The following CNKSR3 variants were observed in gnomAD, a reference collection of about 807,000 sequenced individuals.
CNKSR3 encodes the protein CNKSR family member 3, also known as connector enhancer of kinase suppressor of ras 3.
A neutral mutation model predicts 67.7 loss-of-function variants in CNKSR3; 36 were observed. The observed-to-expected ratio is 0.53, with a 90% CI of 0.41 to 0.70. The LOEUF is 0.70. Ranked by LOEUF, CNKSR3 falls within the 30% of genes least tolerant of loss-of-function variation. The pLI, the probability that CNKSR3 is intolerant of heterozygous loss-of-function variation, is 0.00. For missense variants in CNKSR3, 630 were observed against 695.2 expected, an observed-to-expected ratio of 0.91 and a Z score of 1.05; for synonymous variants, 281 against 271.4, an observed-to-expected ratio of 1.04 and a Z score of -0.35.
chr6:154,427,976 C>A, intron 7 of CNKSR3, 152 bp downstream of exon 7: 1 of 611,536 alleles, frequency 1.6e-6, no homozygotes, highest in Non-Finnish European at 3.0e-6. Flanking sequence ...TGGTGACAAG[C>A]AGTACTCTAT....
At chr6:154,410,532 C>A in intron 11 of CNKSR3, 100 bp from the exon 12 acceptor site, 1 of 715,638 alleles carries the variant, frequency 1.4e-6, no homozygotes, top group South Asian at 1.6e-5. Flanking sequence ...ATACCACACC[C>A]ACTTAGACAG....
intron 1 of CNKSR3, among the ~76,000 whole-genome samples, chr6:154,469,525 A>G (rs980353160): frequency 3.3e-5 from 5 of 152,176 alleles, no homozygotes; most frequent in Non-Finnish European, 5.9e-5. Flanking sequence ...CCATCCTATT[A>G]AACAGTGGGA....
At chr6:154,462,943 T>C (rs1395645642) in intron 1 of CNKSR3, among the ~76,000 whole-genome samples, 28 of 152,108 alleles carry the variant, frequency 1.8e-4, no homozygotes, top group Non-Finnish European at 2.4e-4. Flanking sequence ...CACTTTGGGA[T>C]TGGTTGAATG....
chr6:154,480,510 T>C (rs7763972), intron 1 of CNKSR3, among the ~76,000 whole-genome samples: 20,923 of 152,174 alleles, frequency 0.14, 1,552 homozygotes, highest in South Asian at 0.19. Flanking sequence ...GCAGGATGGA[T>C]ACAGGAAAAC....
intron 1 of CNKSR3, among the ~76,000 whole-genome samples, chr6:154,485,933 C>G (rs1221641995): frequency 6.6e-6 from 1 of 152,166 alleles, no homozygotes; most frequent in Non-Finnish European, 1.5e-5. Flanking sequence ...GACGGGACAC[C>G]TTCCATCTGG....
rs34887626 is a variant in CNKSR3, at chr6:154,441,242, C to CAAAAAAA, written c.507+43_507+49dup. On this transcript the variant is annotated intron_variant, in intron 4 of 12. Transcript: ENST00000607772. ...AAAATCCTTTCAAGAAGAGGAAAAG[C>CAAAAAAA]AAAAAAAAAAAAAAAAAAAAAAAGA... 3.1e-4 allele frequency: 261 copies of CAAAAAAA among 847,338 alleles called. 2 individuals carry two copies. Among genetic ancestry groups the CAAAAAAA allele is most frequent in the Admixed American group, 5.1e-4 (19 of 37,254 alleles). The allele number at this position is 847,338 out of a possible 1,614,324, so 52.5% of individuals were successfully genotyped here.
Position 154,510,085 on chromosome 6 carries a change from T to C in CNKSR3, c.30A>G (p.Lys10=), listed in dbSNP as rs370150605. 2 of 1,613,792 alleles carry C rather than the reference T, an allele frequency of 1.2e-6. No individual in the cohort carries two copies. The highest frequency in any genetic ancestry group is 1.7e-6 in the Non-Finnish European group (2 of 1,179,900). ...CACCTCTAGTCCAGTCCACCACTTG[T>C]TTGGGGCTCCACTTGGTCACGGGTT... The part of the protein sequence containing the change: MEPVTKWSP[K]QVVDWTRGLD... Residue 10 remains lysine (K), a synonymous_variant, in exon 1 of 13, where the codon AAA becomes AAG. Coordinates refer to ENST00000607772, the MANE Select transcript of CNKSR3 (RefSeq NM_173515.4).
intron 4 of CNKSR3, among the ~76,000 whole-genome samples, chr6:154,438,387 A>AAC (rs148789766): frequency 1.8e-4 from 28 of 151,672 alleles, no homozygotes; most frequent in South Asian, 4.2e-4. Flanking sequence ...TACACACACA[A>AAC]ACACACACAC....
chr6:154,477,940 G>A (rs1786486840), intron 1 of CNKSR3, among the ~76,000 whole-genome samples: 1 of 152,160 alleles, frequency 6.6e-6, no homozygotes, highest in Non-Finnish European at 1.5e-5. Flanking sequence ...CAGGCACCAG[G>A]GGAGCCATCA....
At chr6:154,488,877 C>T (rs1474396096) in intron 1 of CNKSR3, among the ~76,000 whole-genome samples, 2 of 152,152 alleles carry the variant, frequency 1.3e-5, no homozygotes, top group African/African-American at 4.8e-5. Flanking sequence ...AAATCACATT[C>T]CACTGAATTC....
At chr6:154,418,008 G>T (rs1785056811) in intron 9 of CNKSR3, among the ~76,000 whole-genome samples, 1 of 152,198 alleles carries the variant, frequency 6.6e-6, no homozygotes, top group South Asian at 2.1e-4. Context: ...CAGCTCCACA[G>T]AGTCTGAGCT....
At chr6:154,467,740 A>AAT (rs57551186) in intron 1 of CNKSR3, among the ~76,000 whole-genome samples, 54,085 of 150,130 alleles carry the variant, frequency 0.36, 10,264 homozygotes, top group African/African-American at 0.49. Context: ...ACCCATTATA[A>AAT]ATATATATAT....
At chr6:154,506,570 G>A (rs1041447145) in intron 1 of CNKSR3, among the ~76,000 whole-genome samples, 13 of 152,146 alleles carry the variant, frequency 8.5e-5, no homozygotes, top group Non-Finnish European at 1.2e-4. Flanking sequence ...TGCAGGAGCC[G>A]CCACCTTGCA....
chr6:154,422,596 A>C lies in CNKSR3; in HGVS notation c.855T>G (p.Val285=), dbSNP rs906810425. 6.2e-7 allele frequency: 1 copy of C among 1,613,946 alleles called. No homozygotes were observed. Among genetic ancestry groups the C allele is most frequent in the Non-Finnish European group, 8.5e-7 (1 of 1,179,992 alleles). ...VKKLRENPTG[V]VLLLKKRPTG... ...TGGGGCGCTTCTTAAGCAGTAACAC[A>C]ACTCCGGTGGGATTCTCTCTCAATT... is the stretch of plus-strand genomic sequence containing the variant. Residue 285 remains valine, a synonymous_variant, in exon 9 of 13, where the codon GTT becomes GTG. Transcript: ENST00000607772.
intron 1 of CNKSR3, among the ~76,000 whole-genome samples, chr6:154,498,396 T>C (rs562265158): frequency 2.0e-5 from 3 of 149,272 alleles, no homozygotes; most frequent in African/African-American, 7.3e-5. Context: ...CACTGGGAAA[T>C]GTCACATAGA....
intron 1 of CNKSR3, among the ~76,000 whole-genome samples, chr6:154,452,286 C>T (rs4644078): frequency 0.7 from 106,958 of 152,116 alleles, 37,960 homozygotes; most frequent in East Asian, 0.9. Flanking sequence ...CTCGCAAACA[C>T]GAGATTATAA....
intron 9 of CNKSR3, 58 bp from the exon 10 acceptor site, chr6:154,414,481 T>C: frequency 6.5e-7 from 1 of 1,544,610 alleles, no homozygotes; most frequent in South Asian, 1.3e-5. Flanking sequence ...AGATGATTCT[T>C]GGTGTTTATT....
Position 154,398,020 on chromosome 6 carries a change from A to G in CNKSR3, c.*8334T>C, listed in dbSNP as rs191759709. Reference sequence around the variant, plus strand: ...GCATTGCAACCCATTAGGCTGAATCATATGAACTGCAGATTATGCAGGTAA... The same window carrying G: ...GCATTGCAACCCATTAGGCTGAATCGTATGAACTGCAGATTATGCAGGTAA... On this transcript the variant is annotated 3_prime_UTR_variant, in exon 13 of 13. Coordinates refer to ENST00000607772, the MANE Select transcript of CNKSR3 (RefSeq NM_173515.4). 1 of 152,386 alleles carries G rather than the reference A, an allele frequency of 6.6e-6. No individual in the cohort carries two copies. The highest frequency in any genetic ancestry group is 1.9e-4 in the East Asian group (1 of 5,192). 9.4% of individuals were successfully genotyped at this position (152,386 alleles called of 1,614,324 possible). A position where few individuals can be genotyped will look rare whatever the true frequency, so the allele number is the denominator to read the frequency against.
At chr6:154,500,843 T>C (rs1200257431) in intron 1 of CNKSR3, among the ~76,000 whole-genome samples, 3 of 152,214 alleles carry the variant, frequency 2.0e-5, no homozygotes, top group Admixed American at 1.3e-4. Context: ...TAAACAACCA[T>C]ATTTGCCCTT....
Sources: allele counts gnomAD v4.1 joint callset (sites outside exome capture counted in the v4.1 genomes callset), GRCh38; gene constraint gnomAD v4.1.1; transcripts MANE v1.5; gene names NCBI Gene and HGNC (gene_info 2026-07-23, HGNC 2026-07-21).